STK40: variants seen among roughly 807,000 people sequenced by gnomAD.
STK40 encodes serine/threonine kinase 40.
In STK40, 13 loss-of-function variants were observed where a neutral mutation model predicts 47.9. That is an observed-to-expected ratio of 0.27 (90% CI 0.18 to 0.43). STK40 has a LOEUF of 0.43. Among genes scored for constraint, STK40 ranks in the 20% least tolerant of loss-of-function variants. STK40 has a pLI of 1.00. For synonymous variants in STK40, 225 were observed against 243.2 expected (o/e 0.93, Z 0.69); for missense variants, 460 against 595.1 (o/e 0.77, Z 2.36).
Position 36,341,784 on chromosome 1 carries a change from T to C in STK40, c.1279A>G (p.Ile427Val), listed in dbSNP as rs1156946249. The C allele has an allele frequency of 1.2e-6, 2 of 1,612,252 alleles. No individual in the cohort carries two copies. The highest frequency in any genetic ancestry group is 1.7e-6 in the Non-Finnish European group (2 of 1,179,714). Reference sequence around the variant, plus strand: ...TTCCGCAGGTAGCGCTGCGCCAGGATGGCCGTGTCCAAGGAGGTCATGGGC... The same window carrying C: ...TTCCGCAGGTAGCGCTGCGCCAGGACGGCCGTGTCCAAGGAGGTCATGGGC... ...AQPMTSLDTA[I>V]LAQRYLRK Residue 427 changes from isoleucine (I) to valine (V), a missense_variant, in exon 11 of 11, where the codon ATC becomes GTC. Ile to Val is a conservative substitution (Grantham distance 29). Transcript: ENST00000373132.
chr1:36,369,384 T>G (rs937123932), intron 1 of STK40, among the ~76,000 whole-genome samples: 1 of 152,142 alleles, frequency 6.6e-6, no homozygotes, highest in Non-Finnish European at 1.5e-5. Flanking sequence ...TCTCTCTGCC[T>G]GCTGTGGAGG....
At chr1:36,358,602 A>C in intron 3 of STK40, 135 bp downstream of exon 3, 2 of 1,141,008 alleles carry the variant, frequency 1.8e-6, no homozygotes, top group Non-Finnish European at 2.5e-6. Flanking sequence ...GGAGACTGTG[A>C]ACTTGATTGC....
chr1:36,351,832 C>T (rs574400141), intron 6 of STK40, among the ~76,000 whole-genome samples: 298 of 152,294 alleles, frequency 2.0e-3, no homozygotes, highest in Non-Finnish European at 3.1e-3. Context: ...GGCATGAGCC[C>T]GGCAAGTTCC....
intron 1 of STK40, among the ~76,000 whole-genome samples, chr1:36,363,086 C>T (rs905516890): frequency 5.3e-5 from 8 of 152,126 alleles, no homozygotes; most frequent in Admixed American, 2.6e-4. Context: ...ACCCAGGACA[C>T]GGAGTCTACA....
chr1:36,358,763 C>A lies in STK40; in HGVS notation c.172G>T (p.Gly58Cys). Residue 58 changes from glycine (G) to cysteine (C), a missense_variant, in exon 3 of 11, where the codon GGC becomes TGC. By Grantham distance (159) the Gly-to-Cys change is radical. Around this residue, in one of 3 missense-constraint regions of STK40, gnomAD observed 277 missense variants for 358.7 expected, o/e 0.77. Transcript: ENST00000373132. ...TTCAGCTGATAGAAGTCATCCGTGC[C>A]ATCTTTCCTCGCCAAACACTGCACT... ...SIVQCLARKD[G>C]TDDFYQLKIL... 1.2e-6 allele frequency: 2 copies of A among 1,614,204 alleles called. No individual in the cohort carries two copies. Among genetic ancestry groups the A allele is most frequent in the Non-Finnish European group, 1.7e-6 (2 of 1,180,038 alleles).
rs764829098 is a variant in STK40, at chr1:36,344,619, C to T, written c.740-355G>A. On this transcript the variant is annotated intron_variant, in intron 7 of 10. Transcript: ENST00000373132. ...ACTAGCTGGCTCCAGATGAGCTGGC[C>T]GCTCCTCCTGTCACCGTCCCCACAC... Among the ~76,000 whole-genome samples, 7 of 152,200 alleles carry T rather than the reference C, an allele frequency of 4.6e-5. No homozygotes were observed. The East Asian group carries it at 5.8e-4, about 13-fold the overall frequency.
intron 6 of STK40, among the ~76,000 whole-genome samples, chr1:36,350,179 T>G (rs1408266366): frequency 6.6e-6 from 1 of 152,238 alleles, no homozygotes; most frequent in Non-Finnish European, 1.5e-5. Context: ...CATAGGAGTC[T>G]GACTGGTGGC....
At chr1:36,384,031 CTTT>C (rs35654052) in intron 1 of STK40, among the ~76,000 whole-genome samples, 23 of 131,924 alleles carry the variant, frequency 1.7e-4, no homozygotes, top group South Asian at 7.0e-4. Context: ...TCTTCTTCTT[CTTT>C]TTTTTTTTTT....
chr1:36,350,790 C>A (rs1208485579), intron 6 of STK40, among the ~76,000 whole-genome samples: 1 of 152,252 alleles, frequency 6.6e-6, no homozygotes, highest in African/African-American at 2.4e-5. Context: ...TTCAACTCAA[C>A]ACTGCTGGTG....
chr1:36,356,309 G>C (rs1646803731), intron 4 of STK40, among the ~76,000 whole-genome samples: 1 of 152,136 alleles, frequency 6.6e-6, no homozygotes, highest in African/African-American at 2.4e-5. Flanking sequence ...CAAAAAACAG[G>C]GGGACTTCAT....
At position 36,355,250 on chromosome 1, in the gene STK40, CCA is replaced by C; in HGVS notation, c.524_525del (p.Val175GlyfsTer81). 1.2e-6 allele frequency: 2 copies of C among 1,614,130 alleles called. No homozygotes were observed. The highest frequency in any genetic ancestry group is 1.7e-4 in the Middle Eastern group (1 of 6,056). On this transcript the variant is annotated frameshift_variant, in exon 5 of 11. Coordinates refer to ENST00000373132, the MANE Select transcript of STK40 (RefSeq NM_001282547.2). LOFTEE classifies it high-confidence loss of function. The stretch of plus-strand genomic sequence containing the variant: ...ACGCGGACCACGTCGTAGAAGATTA[CCA>C]CAGTCTCCCTCTCGCTGAGCCTCTT... ...KEKRLSERET[V>X]VIFYDVVRVV... is the part of the protein sequence containing the mutation.
intron 5 of STK40, 36 bp downstream of exon 5, chr1:36,355,170 G>C: frequency 1.2e-6 from 2 of 1,604,086 alleles, no homozygotes; most frequent in Non-Finnish European, 1.7e-6. Context: ...GTGGCTTTCT[G>C]TGGCCAGAAG....
intron 4 of STK40, among the ~76,000 whole-genome samples, chr1:36,357,605 T>A (rs536647251): frequency 9.2e-4 from 140 of 151,562 alleles, no homozygotes; most frequent in African/African-American, 3.2e-3. Context: ...AAAAAAAAAA[T>A]TTTAAAAAAA....
At chr1:36,347,380 C>T (rs977527322) in intron 7 of STK40, among the ~76,000 whole-genome samples, 3 of 152,152 alleles carry the variant, frequency 2.0e-5, no homozygotes, top group African/African-American at 4.8e-5. Flanking sequence ...GCAACAGAGT[C>T]GACAGTGAAA....
At chr1:36,345,989 ATATTT>A (rs1303525408) in intron 7 of STK40, among the ~76,000 whole-genome samples, 7 of 19,584 alleles carry the variant, frequency 3.6e-4, no homozygotes, top group Admixed American at 8.7e-4. Flanking sequence ...ATATATATAT[ATATTT>A]TTTTTTTTTT....
rs888997610 is a variant in STK40, at chr1:36,357,866, C to A, written c.342+373G>T. ...TCCTGACCTTGTGATCTGCCCACCT[C>A]GGCTTCCCACGTTGCTGGGATTACA... On this transcript the variant is annotated intron_variant, in intron 4 of 10. Coordinates refer to ENST00000373132, the MANE Select transcript of STK40 (RefSeq NM_001282547.2). Among the ~76,000 whole-genome samples, 3 of 152,326 alleles carry A rather than the reference C, an allele frequency of 2.0e-5. No homozygotes were observed. The South Asian group carries it at 6.2e-4, about 32-fold the overall frequency.
rs181794836 is a variant in STK40 at position 36,384,723 on chromosome 1, G to A, written c.-9+1000C>T. The stretch of plus-strand genomic sequence containing the variant: ...ATGAATGAATGAATGAATGAGGACT[G>A]TCTAGATTAACCCAACCAACAACTT... On this transcript the variant is annotated intron_variant, in intron 1 of 10. Transcript: ENST00000373132. 3.5e-4 allele frequency among the ~76,000 whole-genome samples: 53 copies of A among 152,368 alleles called. 1 individual carries two copies. Among genetic ancestry groups the A allele is most frequent in the Non-Finnish European group, 1.5e-5 (1 of 68,036 alleles).
chr1:36,359,004 G>T (rs1358600995), intron 2 of STK40, among the ~76,000 whole-genome samples, 182 bp from the exon 3 acceptor site: 1 of 152,146 alleles, frequency 6.6e-6, no homozygotes, highest in East Asian at 1.9e-4. Context: ...AAAATAGAGG[G>T]GTATGTGTGC....
At chr1:36,348,604 C>T (rs2124728393) in intron 7 of STK40, 96 bp downstream of exon 7, 1 of 1,147,516 alleles carries the variant, frequency 8.7e-7, no homozygotes, top group Middle Eastern at 2.7e-4. Flanking sequence ...AGCCCCAGCA[C>T]CTTGCCCAGG....
Sources: gnomAD v4.1 joint callset for allele counts (sites outside exome capture counted in the v4.1 genomes callset) on GRCh38, gnomAD v4.1.1 for gene constraint, gnomAD v4.1.1 regional missense constraint, MANE v1.5 for transcripts, NCBI Gene and HGNC (gene_info 2026-07-23, HGNC 2026-07-21) for gene names.